The following ALLC variants were observed in gnomAD, a reference collection of about 807,000 sequenced individuals.
ALLC encodes the protein allantoicase, also known as probable inactive allantoicase.
A neutral mutation model predicts 45.0 loss-of-function variants in ALLC; 40 were observed. The ratio of observed to expected loss-of-function variants is 0.89; its 90% CI spans 0.69 to 1.16. The LOEUF is 1.16. ALLC is among the 50% of genes most tolerant of loss of function. ALLC has a pLI of 0.00. For synonymous variants in ALLC, 176 were observed against 178.1 expected, an observed-to-expected ratio of 0.99 and a Z score of 0.09; for missense variants, 488 against 493.1, an observed-to-expected ratio of 0.99 and a Z score of 0.10.
rs926235304 is a variant in ALLC at position 3,662,814 on chromosome 2, G to A, written c.-63+4520G>A. On this transcript the variant is annotated intron_variant, in intron 1 of 11. Transcript: ENST00000252505. ...AGTGTCCATAAATAAAGTTTTGCTG[G>A]AACACAGGTGCCTTCATTCACTTAT... 5.9e-5 allele frequency among the ~76,000 whole-genome samples: 9 copies of A among 152,296 alleles called. No homozygotes were observed. In the East Asian group the frequency reaches 1.7e-3, roughly 29 times the overall value.
intron 1 of ALLC, among the ~76,000 whole-genome samples, chr2:3,668,566 CTTTTTTTTTTT>C (rs1173613810): frequency 5.6e-5 from 4 of 71,888 alleles, no homozygotes; most frequent in African/African-American, 7.3e-5. Flanking sequence ...ATGTGTATGA[CTTTTTTTTTTT>C]TTTTTTTTTT....
At chr2:3,651,876 T>C in the ALLC span, among the ~76,000 whole-genome samples, 4 of 152,100 alleles carry the variant, frequency 2.6e-5, no homozygotes, top group African/African-American at 9.7e-5. Flanking sequence ...GCCCACGCCG[T>C]AGAAGGCAAC....
intron 1 of ALLC, among the ~76,000 whole-genome samples, chr2:3,665,721 C>T (rs1666687677): frequency 6.6e-6 from 1 of 152,154 alleles, no homozygotes; most frequent in Non-Finnish European, 1.5e-5. Flanking sequence ...CATTGATGGG[C>T]ATTTGGGTTG....
At chr2:3,676,857 G>A (rs1364364391) in intron 3 of ALLC, among the ~76,000 whole-genome samples, 2 of 151,328 alleles carry the variant, frequency 1.3e-5, no homozygotes, top group Non-Finnish European at 2.9e-5. Context: ...GCATGATCTC[G>A]GCTCACCACA....
chr2:3,665,788 C>A (rs2147993958), intron 1 of ALLC, among the ~76,000 whole-genome samples: 1 of 152,258 alleles, frequency 6.6e-6, no homozygotes, highest in African/African-American at 2.4e-5. Flanking sequence ...GTGCATGTAT[C>A]TTTATAGTAG....
intron 6 of ALLC, among the ~76,000 whole-genome samples, chr2:3,682,280 G>A (rs1227394516): frequency 6.6e-6 from 1 of 152,154 alleles, no homozygotes; most frequent in South Asian, 2.1e-4. Flanking sequence ...TTCCCCAGAG[G>A]TCATGGAGCA....
rs1470888425 is a variant in ALLC at position 3,690,179 on chromosome 2, C to T, written c.512-5538C>T. ...TACCTTTTATTTGGAACATTGAGTC[C>T]ATTTACATTCAGTATTGTCATCAGT... On this transcript the variant is annotated intron_variant, in intron 7 of 11. Coordinates refer to ENST00000252505, the MANE Select transcript of ALLC (RefSeq NM_018436.4). 4.9e-5 allele frequency among the ~76,000 whole-genome samples: 7 copies of T among 144,304 alleles called. 2 individuals carry two copies. The highest frequency in any genetic ancestry group is 1.1e-4 in the Non-Finnish European group (7 of 65,362). The allele number at this position is 144,304 out of a possible 152,430, so 94.7% of individuals were successfully genotyped here.
At chr2:3,689,669 T>C (rs545988506) in intron 7 of ALLC, among the ~76,000 whole-genome samples, 1 of 151,156 alleles carries the variant, frequency 6.6e-6, no homozygotes, top group Non-Finnish European at 1.5e-5. Context: ...ATGAAAAGAA[T>C]GCATATTCTG....
At chr2:3,700,077 C>A (rs1667784345) in intron 10 of ALLC, among the ~76,000 whole-genome samples, 1 of 152,218 alleles carries the variant, frequency 6.6e-6, no homozygotes, top group South Asian at 2.1e-4. Flanking sequence ...TTTGCCAGTT[C>A]CTATGTCCAG....
At chr2:3,698,759 T>C (rs1667746317) in intron 10 of ALLC, among the ~76,000 whole-genome samples, 1 of 151,444 alleles carries the variant, frequency 6.6e-6, no homozygotes, top group Admixed American at 6.6e-5. Flanking sequence ...TTTATTTTTA[T>C]TTATTTATTT....
chr2:3,658,029 C>T (rs1666480125), upstream of ALLC, among the ~76,000 whole-genome samples: 1 of 152,262 alleles, frequency 6.6e-6, no homozygotes, highest in Admixed American at 6.5e-5. Flanking sequence ...CTGGGACCAG[C>T]AGGGACCATG....
intron 11 of ALLC, among the ~76,000 whole-genome samples, chr2:3,701,914 G>C (rs531077405): frequency 6.6e-6 from 1 of 152,298 alleles, no homozygotes; most frequent in South Asian, 2.1e-4. Context: ...GGGGCGACTA[G>C]CACATTTAAA....
chr2:3,650,100 A>C, the ALLC span, among the ~76,000 whole-genome samples: 1 of 152,176 alleles, frequency 6.6e-6, no homozygotes, highest in Admixed American at 6.5e-5. Context: ...CTTATGTCTG[A>C]TTCTTGCAGA....
the ALLC span, among the ~76,000 whole-genome samples, chr2:3,647,793 G>A: frequency 1.3e-5 from 2 of 151,900 alleles, no homozygotes; most frequent in East Asian, 1.9e-4. Context: ...GATCACTAAC[G>A]CATCCTCTCC....
intron 9 of ALLC, among the ~76,000 whole-genome samples, chr2:3,696,734 G>T (rs1667683025): frequency 1.3e-5 from 2 of 152,220 alleles, no homozygotes. Context: ...ATGTGAACTT[G>T]TGATGGACAG....
chr2:3,686,250 G>A (rs1667332205), intron 7 of ALLC, among the ~76,000 whole-genome samples: 1 of 150,932 alleles, frequency 6.6e-6, no homozygotes, highest in South Asian at 2.1e-4. Context: ...CCCATTGCGT[G>A]TTCTTGGTGC....
chr2:3,662,823 T>C (rs1666605915), intron 1 of ALLC, among the ~76,000 whole-genome samples: 1 of 152,194 alleles, frequency 6.6e-6, no homozygotes, highest in South Asian at 2.1e-4. Context: ...GGAACACAGG[T>C]GCCTTCATTC....
chr2:3,686,722 C>G (rs1667342400), intron 7 of ALLC, among the ~76,000 whole-genome samples: 1 of 150,732 alleles, frequency 6.6e-6, no homozygotes, highest in Non-Finnish European at 1.5e-5. Context: ...CGATTGCCTT[C>G]TTGTTTTATT....
chr2:3,655,090 A>G (rs1332892401), upstream of ALLC, among the ~76,000 whole-genome samples: 2 of 152,160 alleles, frequency 1.3e-5, no homozygotes, highest in Non-Finnish European at 2.9e-5. Context: ...TCCCCAGGTC[A>G]CTGGTGGGGT....
Sources: gnomAD v4.1 joint callset for allele counts (sites outside exome capture counted in the v4.1 genomes callset) on GRCh38, gnomAD v4.1.1 for gene constraint, MANE v1.5 for transcripts, NCBI Gene and HGNC (gene_info 2026-07-23, HGNC 2026-07-21) for gene names.